GRIK3: variants seen among roughly 807,000 people sequenced by gnomAD.
GRIK3 encodes the protein glutamate ionotropic receptor kainate type subunit 3.
A neutral mutation model predicts 102.5 loss-of-function variants in GRIK3; 29 were observed. The ratio of observed to expected loss-of-function variants is 0.28; its 90% confidence interval spans 0.21 to 0.39. The LOEUF is 0.39. Ranked by LOEUF, GRIK3 falls within the 10% of genes least tolerant of loss-of-function variation. The probability of loss-of-function intolerance (pLI) is 1.00; values close to 1 mark genes in which losing one functional copy is unlikely to be tolerated. For synonymous variants in GRIK3, 511 were observed against 504.9 expected (o/e 1.01, Z -0.16); for missense variants, 908 against 1,252.4 (o/e 0.73, Z 4.15).
Position 36,841,790 on chromosome 1 carries a change from C to T in GRIK3, c.1476G>A (p.Gly492=). ...TCCACTGGCCCTTGTCATCCTGTGC[C>T]CCGTACTTGCCGTCCTCCACCAGCC... The part of the protein sequence containing the change: ...EIRLVEDGKY[G]AQDDKGQWNG... Residue 492 remains glycine, a synonymous_variant, in exon 10 of 16, where the codon GGG becomes GGA. Coordinates refer to ENST00000373091, the MANE Select transcript of GRIK3 (RefSeq NM_000831.4). 1 of 1,614,204 alleles carries T rather than the reference C, an allele frequency of 6.2e-7. No individual in the cohort carries two copies.
intron 1 of GRIK3, among the ~76,000 whole-genome samples, chr1:37,017,918 G>T (rs1308354628): frequency 2.0e-5 from 3 of 152,098 alleles, no homozygotes; most frequent in African/African-American, 7.2e-5. Context: ...CTCTTTTGAC[G>T]TCACAGGGCC....
In GRIK3 at chr1:36,972,278, C is replaced by T. The variant is rs141008967; in HGVS notation, c.115+61716G>A. ...ACCTCCTTGGAGCCCCTAAGGACCC[C>T]ACTCTGCCTAGGCCCAAAGAGTCAG... On this transcript the variant is annotated intron_variant, in intron 1 of 15. Transcript: ENST00000373091. 2.9e-3 allele frequency among the ~76,000 whole-genome samples: 449 copies of T among 152,302 alleles called. 2 individuals carry two copies. Among genetic ancestry groups the T allele is most frequent in the African/African-American group, 0.01 (434 of 41,576 alleles).
chr1:36,859,071 G>T, intron 7 of GRIK3, 37 bp downstream of exon 7: 1 of 1,542,398 alleles, frequency 6.5e-7, no homozygotes, highest in Non-Finnish European at 8.8e-7. Context: ...CCACAGTCCC[G>T]GGGAGACAAC....
chr1:36,869,636 C>T (rs143263603), intron 5 of GRIK3, 112 bp downstream of exon 5: 9,991 of 835,418 alleles, frequency 0.012, 92 homozygotes, highest in Non-Finnish European at 0.017. Flanking sequence ...CCCCTACAGC[C>T]TGAGGAAGCT....
intron 1 of GRIK3, among the ~76,000 whole-genome samples, chr1:36,952,511 C>G (rs1641857153): frequency 6.6e-6 from 1 of 152,174 alleles, no homozygotes; most frequent in African/African-American, 2.4e-5. Flanking sequence ...TTCTCTGGTC[C>G]TCAGTTTTCT....
rs1331906506 is a variant in GRIK3 at position 36,797,095 on chromosome 1, A to G, written c.*4756T>C. The G allele has an allele frequency of 2.6e-5, 4 of 151,872 alleles. No individual in the cohort carries two copies. The highest frequency in any genetic ancestry group is 5.9e-5 in the Non-Finnish European group (4 of 67,986). 9.4% of individuals were successfully genotyped at this position (151,872 alleles called of 1,614,324 possible). Reference sequence around the variant, plus strand: ...CTCTGCCCTCTTCTTCAGGGTCTGGAGCTCTGATGTGTGGAGGGCCTTCGC... The same window carrying G: ...CTCTGCCCTCTTCTTCAGGGTCTGGGGCTCTGATGTGTGGAGGGCCTTCGC... On this transcript the variant is annotated 3_prime_UTR_variant, in exon 16 of 16. Coordinates refer to ENST00000373091, the MANE Select transcript of GRIK3 (RefSeq NM_000831.4).
intron 1 of GRIK3, among the ~76,000 whole-genome samples, chr1:37,013,585 C>T (rs558373408): frequency 6.6e-6 from 1 of 152,150 alleles, no homozygotes; most frequent in Non-Finnish European, 1.5e-5. Context: ...GCCAAAAGAC[C>T]CTGGGAGAGA....
At chr1:36,825,409 G>T (rs1055323348) in intron 11 of GRIK3, among the ~76,000 whole-genome samples, 194 bp downstream of exon 11, 6 of 152,170 alleles carry the variant, frequency 3.9e-5, no homozygotes, top group African/African-American at 1.4e-4. Flanking sequence ...CAAGCGTGGG[G>T]GTGGGGAGGG....
chr1:36,819,306 C>T lies in GRIK3; in HGVS notation c.1873+430G>A, dbSNP rs1273208949. Among the ~76,000 whole-genome samples the T allele has an allele frequency of 6.6e-6, 1 of 152,196 alleles. No homozygotes were observed. Among genetic ancestry groups the T allele is most frequent in the Non-Finnish European group, 1.5e-5 (1 of 68,038 alleles). On this transcript the variant is annotated intron_variant, in intron 12 of 15. Transcript: ENST00000373091. The surrounding 1 kb of genome is among the most constrained non-coding windows in gnomAD (Gnocchi z 4.1). Reference sequence around the variant, plus strand: ...CAGGGCCACCACGAGGTTCAGGTCTCATCACCTCATTCCTGCAGTGGCCTC... The same window carrying T: ...CAGGGCCACCACGAGGTTCAGGTCTTATCACCTCATTCCTGCAGTGGCCTC...
chr1:36,933,690 C>G (rs1641621875), intron 1 of GRIK3, among the ~76,000 whole-genome samples: 1 of 152,210 alleles, frequency 6.6e-6, no homozygotes, highest in African/African-American at 2.4e-5. Context: ...GTCTTACACA[C>G]TTTTTTCCAA....
chr1:36,941,431 G>A (rs1641717949), intron 1 of GRIK3, among the ~76,000 whole-genome samples: 2 of 152,210 alleles, frequency 1.3e-5, no homozygotes, highest in South Asian at 4.1e-4. Flanking sequence ...TCAGGGAAAG[G>A]GAATCAAACA....
intron 1 of GRIK3, among the ~76,000 whole-genome samples, chr1:37,029,168 C>T (rs966589667): frequency 4.6e-5 from 7 of 151,940 alleles, no homozygotes; most frequent in African/African-American, 9.7e-5. Flanking sequence ...AGCCCAAGGC[C>T]AAGGCGCCAG....
At chr1:36,802,646 A>G (rs60576121) in intron 15 of GRIK3, among the ~76,000 whole-genome samples, 1 of 152,326 alleles carries the variant, frequency 6.6e-6, no homozygotes, top group East Asian at 1.9e-4. Context: ...GTCCCTGCAC[A>G]TAGCCAAGAG....
intron 1 of GRIK3, among the ~76,000 whole-genome samples, chr1:36,962,718 A>G (rs144022384): frequency 6.6e-6 from 1 of 151,982 alleles, no homozygotes; most frequent in East Asian, 1.9e-4. Context: ...AGAGGCAAAG[A>G]GAGGGACCAA....
At chr1:36,944,839 C>T (rs894011758) in intron 1 of GRIK3, among the ~76,000 whole-genome samples, 1 of 152,228 alleles carries the variant, frequency 6.6e-6, no homozygotes, top group African/African-American at 2.4e-5. Flanking sequence ...GTAATGTCTG[C>T]AGAGCTCTCA....
intron 1 of GRIK3, among the ~76,000 whole-genome samples, chr1:37,002,671 T>TTTC (rs1491181721): frequency 2.6e-4 from 17 of 64,698 alleles, no homozygotes; most frequent in African/African-American, 2.4e-3. Context: ...TCTTTCTTTC[T>TTTC]TTTTTTTTTT....
At chr1:36,960,696 C>G (rs1006550055) in intron 1 of GRIK3, among the ~76,000 whole-genome samples, 1 of 152,200 alleles carries the variant, frequency 6.6e-6, no homozygotes, top group African/African-American at 2.4e-5. Flanking sequence ...CCCAGACTTC[C>G]GCTGCTAAGC....
Position 36,860,990 on chromosome 1 carries a change from A to G in GRIK3, c.787-973T>C, listed in dbSNP as rs535120. ...TTGTTAAAAGCTCAGACTCTGGGTT[A>G]ATTTGCAGAATTTTGTCAAATAGAG... is the stretch of plus-strand genomic sequence containing the variant. On this transcript the variant is annotated intron_variant, in intron 5 of 15. Transcript: ENST00000373091. Among the ~76,000 whole-genome samples the G allele has an allele frequency of 3.8e-3, 581 of 152,300 alleles. 4 individuals carry two copies. Among genetic ancestry groups the G allele is most frequent in the African/African-American group, 0.013 (547 of 41,568 alleles).
At chr1:37,030,090 C>T (rs528079787) in intron 1 of GRIK3, among the ~76,000 whole-genome samples, 10 of 152,322 alleles carry the variant, frequency 6.6e-5, no homozygotes, top group African/African-American at 1.9e-4. Flanking sequence ...GGGCTAACAG[C>T]AGCAGCTGGG....
Sources: gnomAD v4.1 joint callset for allele counts (sites outside exome capture counted in the v4.1 genomes callset) on GRCh38, gnomAD v4.1.1 for gene constraint, Gnocchi (gnomAD v3.1) non-coding constraint, MANE v1.5 for transcripts, NCBI Gene and HGNC (gene_info 2026-07-23, HGNC 2026-07-21) for gene names.